Variants in SH3KBP1 observed in about 807,000 individuals in gnomAD.
The protein encoded by SH3KBP1 is SH3 domain-containing kinase-binding protein 1.
A neutral mutation model predicts 50.1 loss-of-function variants in SH3KBP1; 8 were observed. That is an observed-to-expected ratio of 0.16 (90% confidence interval 0.09 to 0.29). The LOEUF (loss-of-function observed/expected upper bound fraction) is 0.29. SH3KBP1 is among the 10% of genes least tolerant of loss of function. SH3KBP1 has a pLI of 1.00. For synonymous variants in SH3KBP1, 227 were observed against 218.6 expected, an observed-to-expected ratio of 1.04 and a Z score of -0.34; for missense variants, 377 against 535.2, an observed-to-expected ratio of 0.70 and a Z score of 2.92.
intron 2 of SH3KBP1, among the ~76,000 whole-genome samples, chrX:19,814,158 T>C (rs1396227600): frequency 9.0e-6 from 1 of 110,509 alleles, no homozygotes; most frequent in African/African-American, 3.3e-5. Flanking sequence ...CTTCCTCTCC[T>C]GCCACACCCC....
chrX:19,647,276 GAA>G (rs56336116), intron 6 of SH3KBP1, among the ~76,000 whole-genome samples: 3 of 87,820 alleles, frequency 3.4e-5, no homozygotes, highest in Admixed American at 1.2e-4. Context: ...TTGCTTCCCT[GAA>G]AAAAAAAAAA....
chrX:19,745,768 A>G (rs1470282665), intron 3 of SH3KBP1, among the ~76,000 whole-genome samples: 1 of 112,217 alleles, frequency 8.9e-6, no homozygotes, highest in Non-Finnish European at 1.9e-5. Context: ...CAAAACTCCA[A>G]CAAGCTGATA....
chrX:19,881,570 G>A (rs1179770662), intron 1 of SH3KBP1, among the ~76,000 whole-genome samples: 1 of 111,788 alleles, frequency 8.9e-6, no homozygotes, highest in Non-Finnish European at 1.9e-5. Flanking sequence ...AGTGTACCAG[G>A]CACAGGAACA....
intron 1 of SH3KBP1, among the ~76,000 whole-genome samples, chrX:19,873,291 T>C (rs1221970814): frequency 1.4e-5 from 1 of 72,017 alleles, no homozygotes; most frequent in East Asian, 3.9e-4. Flanking sequence ...TATATATATG[T>C]ATATATATAT....
At position 19,558,333 on chromosome X, in the gene SH3KBP1, C is replaced by T. The variant is rs2065555581; in HGVS notation, c.1385-8250G>A. 2.7e-5 allele frequency among the ~76,000 whole-genome samples: 3 copies of T among 112,041 alleles called. No individual in the cohort carries two copies. In the Admixed American group the frequency reaches 2.8e-4, roughly 11 times the overall value. On this transcript the variant is annotated intron_variant, in intron 13 of 17. Coordinates refer to ENST00000397821, the MANE Select transcript of SH3KBP1 (RefSeq NM_031892.3). ...GTACTTGCTAAAATAATTTTGGAAACCCTTGTATATCCTCCTCACACATAT... is the reference window on the plus strand; with the variant it reads ...GTACTTGCTAAAATAATTTTGGAAATCCTTGTATATCCTCCTCACACATAT...
chrX:19,796,779 T>C (rs958760007), intron 2 of SH3KBP1, among the ~76,000 whole-genome samples: 3 of 112,163 alleles, frequency 2.7e-5, no homozygotes, highest in South Asian at 3.7e-4. Context: ...AGAACAAAAA[T>C]GATGCTTAAA....
intron 12 of SH3KBP1, among the ~76,000 whole-genome samples, chrX:19,585,958 T>C (rs1374979899): frequency 1.8e-5 from 2 of 112,075 alleles, no homozygotes; most frequent in Non-Finnish European, 1.9e-5. Flanking sequence ...TAGGCAGCCA[T>C]GGAGTGTGTG....
At chrX:19,722,557 C>A (rs867707630) in intron 3 of SH3KBP1, among the ~76,000 whole-genome samples, 10 of 93,454 alleles carry the variant, frequency 1.1e-4, no homozygotes, top group African/African-American at 3.6e-4. Flanking sequence ...TGTGTGTGTG[C>A]GCGTGCGCAC....
chrX:19,542,839 G>C (rs1186002138), intron 15 of SH3KBP1, among the ~76,000 whole-genome samples: 2 of 111,818 alleles, frequency 1.8e-5, no homozygotes, highest in African/African-American at 3.3e-5. Flanking sequence ...ACCGTCAGAG[G>C]GGGCAAGAGA....
intron 8 of SH3KBP1, among the ~76,000 whole-genome samples, chrX:19,630,480 T>G (rs759175509): frequency 1.8e-5 from 2 of 112,200 alleles, no homozygotes; most frequent in African/African-American, 6.5e-5. Flanking sequence ...AAGAATCACT[T>G]CTGCCTCATT....
chrX:19,825,596 G>A (rs750951984), intron 2 of SH3KBP1, among the ~76,000 whole-genome samples: 22 of 111,778 alleles, frequency 2.0e-4, no homozygotes, highest in Non-Finnish European at 3.0e-4. Flanking sequence ...GAAAGGGGCT[G>A]GGCACGGTGG....
chrX:19,558,883 C>G (rs971396789), intron 13 of SH3KBP1, among the ~76,000 whole-genome samples: 3 of 111,596 alleles, frequency 2.7e-5, no homozygotes, highest in African/African-American at 9.8e-5. Context: ...GATTATCACT[C>G]AATACCAGGA....
intron 7 of SH3KBP1, among the ~76,000 whole-genome samples, chrX:19,639,138 A>G (rs748045297): frequency 1.2e-4 from 13 of 111,573 alleles, no homozygotes; most frequent in African/African-American, 4.2e-4. Context: ...CATGGTCTAC[A>G]TTTAAATTGA....
chrX:19,663,864 C>A (rs1262332710), intron 6 of SH3KBP1, among the ~76,000 whole-genome samples: 1 of 112,030 alleles, frequency 8.9e-6, no homozygotes, highest in Non-Finnish European at 1.9e-5. Flanking sequence ...GGCAAGAGGA[C>A]CACCTGACGC....
At chrX:19,776,745 G>A (rs1468296352) in intron 2 of SH3KBP1, among the ~76,000 whole-genome samples, 2 of 108,523 alleles carry the variant, frequency 1.8e-5, no homozygotes, top group Non-Finnish European at 3.8e-5. Context: ...GTAGAGACAA[G>A]GTCTTGCTAC....
chrX:19,708,203 C>T (rs190309605), intron 3 of SH3KBP1, among the ~76,000 whole-genome samples: 5 of 112,284 alleles, frequency 4.5e-5, no homozygotes, highest in Admixed American at 1.9e-4. Flanking sequence ...GATGTGTGCC[C>T]TGATCAATAT....
intron 7 of SH3KBP1, among the ~76,000 whole-genome samples, chrX:19,641,045 T>G (rs1462123918): frequency 8.9e-6 from 1 of 112,445 alleles, no homozygotes; most frequent in Non-Finnish European, 1.9e-5. Flanking sequence ...GAGTGTACTT[T>G]CATTTTCAAT....
rs779975395 is a variant in SH3KBP1 at position 19,781,677 on chromosome X, GAC to G, written c.163-35238_163-35237del. 2.0e-4 allele frequency among the ~76,000 whole-genome samples: 22 copies of G among 110,100 alleles called. No individual in the cohort carries two copies. The East Asian group carries it at 3.7e-3, about 18-fold the overall frequency. On this transcript the variant is annotated intron_variant, in intron 2 of 17. Transcript: ENST00000397821. Reference sequence around the variant, plus strand: ...AAAAGGCAGATCTAGAGAGACAGCAGACAGCAGGCAGTGAAGCTGGGAGTGGG... The same window carrying G: ...AAAAGGCAGATCTAGAGAGACAGCAGAGCAGGCAGTGAAGCTGGGAGTGGG...
chrX:19,648,436 G>A (rs1218825862), intron 6 of SH3KBP1, among the ~76,000 whole-genome samples: 3 of 101,093 alleles, frequency 3.0e-5, no homozygotes, highest in African/African-American at 3.6e-5. Context: ...AGGAGGGAAG[G>A]AAGGAAGGAG....
Sources: allele counts gnomAD v4.1 joint callset (sites outside exome capture counted in the v4.1 genomes callset), GRCh38; gene constraint gnomAD v4.1.1; transcripts MANE v1.5; gene names NCBI Gene and HGNC (gene_info 2026-07-23, HGNC 2026-07-21).